Variants in PTPRE observed in about 807,000 individuals in gnomAD.
PTPRE encodes protein tyrosine phosphatase receptor type E.
In PTPRE, 51 loss-of-function variants were observed where a neutral mutation model predicts 102.0. The ratio of observed to expected loss-of-function variants is 0.50; its 90% confidence interval spans 0.40 to 0.63. The LOEUF (loss-of-function observed/expected upper bound fraction) is 0.63. Ranked by LOEUF, PTPRE falls within the 30% of genes least tolerant of loss-of-function variation. PTPRE has a pLI of 0.00. For missense variants in PTPRE, 752 were observed against 915.1 expected (o/e 0.82, Z 2.30); for synonymous variants, 345 against 348.2 (o/e 0.99, Z 0.10).
intron 11 of PTPRE, among the ~76,000 whole-genome samples, chr10:128,067,276 A>G (rs1449494136): frequency 2.0e-5 from 3 of 151,766 alleles, no homozygotes; most frequent in African/African-American, 7.3e-5. Flanking sequence ...ATGTGCACAC[A>G]CACGCACCCA....
At position 127,972,736 on chromosome 10, in the gene PTPRE, G is replaced by A. The variant is rs565857437; in HGVS notation, c.-30-9538G>A. ...TCACCCAGTGGGCAGGGATCTGGCT[G>A]GAGAGCACACGCTGCTGCTTCTCCC... On this transcript the variant is annotated intron_variant, in intron 1 of 20. Coordinates refer to ENST00000254667, the MANE Select transcript of PTPRE (RefSeq NM_006504.6). Among the ~76,000 whole-genome samples the A allele has an allele frequency of 7.2e-5, 11 of 152,346 alleles. No individual in the cohort carries two copies. In the East Asian group the frequency reaches 2.1e-3, roughly 29 times the overall value.
Position 128,076,695 on chromosome 10 carries a change from C to G in PTPRE, c.1692C>G (p.Ile564Met), listed in dbSNP as rs1851233403. Residue 564 changes from isoleucine to methionine, a missense_variant, in exon 18 of 21, where the codon ATC becomes ATG. Physicochemically the swap from Ile to Met is conservative, Grantham distance 10. This residue lies in a region of PTPRE where 636 missense variants were observed against 824.4 expected (regional missense o/e 0.77). Transcript: ENST00000254667. ...AGAATGATACCCTTTCAGAAGCCATCAGTATACGAGACTTTCTGGTCACTC... is the reference window on the plus strand; with the variant it reads ...AGAATGATACCCTTTCAGAAGCCATGAGTATACGAGACTTTCTGGTCACTC... ...EIKNDTLSEA[I>M]SIRDFLVTLN... 3 of 1,611,010 alleles carry G rather than the reference C, an allele frequency of 1.9e-6. No individual in the cohort carries two copies. The highest frequency in any genetic ancestry group is 2.5e-6 in the Non-Finnish European group (3 of 1,179,342).
At chr10:128,074,329 G>A (rs956419033) in intron 17 of PTPRE, among the ~76,000 whole-genome samples, 1 of 152,204 alleles carries the variant, frequency 6.6e-6, no homozygotes, top group Non-Finnish European at 1.5e-5. Context: ...CCATTCATCA[G>A]TTGATGGACA....
intron 1 of PTPRE, among the ~76,000 whole-genome samples, chr10:127,947,558 C>A (rs1394371980): frequency 6.6e-6 from 1 of 152,188 alleles, no homozygotes; most frequent in African/African-American, 2.4e-5. Flanking sequence ...TGTCTTTGGA[C>A]AAATTTTCAC....
chr10:127,937,323 A>T (rs1040975016), intron 1 of PTPRE, among the ~76,000 whole-genome samples: 1 of 152,160 alleles, frequency 6.6e-6, no homozygotes, highest in Non-Finnish European at 1.5e-5. Flanking sequence ...CCATCCACTC[A>T]TACTGGAATT....
intron 3 of PTPRE, among the ~76,000 whole-genome samples, chr10:128,041,236 A>G (rs551485423): frequency 6.6e-6 from 1 of 152,334 alleles, no homozygotes; most frequent in South Asian, 2.1e-4. Flanking sequence ...AGTCAGGGTC[A>G]GCCTTGGCTG....
intron 1 of PTPRE, among the ~76,000 whole-genome samples, chr10:127,953,197 C>A (rs1849161837): frequency 6.6e-6 from 1 of 152,230 alleles, no homozygotes; most frequent in Non-Finnish European, 1.5e-5. Flanking sequence ...GGCTGCTGGG[C>A]AAGCTGCTCT....
intron 1 of PTPRE, among the ~76,000 whole-genome samples, chr10:127,957,447 A>C (rs929764616): frequency 3.3e-5 from 5 of 152,150 alleles, no homozygotes; most frequent in African/African-American, 4.8e-5. Context: ...TGTTACATAG[A>C]TAATCATGTA....
chr10:127,914,223 C>A (rs1210696899), intron 1 of PTPRE, among the ~76,000 whole-genome samples: 1 of 152,196 alleles, frequency 6.6e-6, no homozygotes, highest in Non-Finnish European at 1.5e-5. Context: ...CTGAGCCTCA[C>A]CTGAAGCAGG....
intron 5 of PTPRE, among the ~76,000 whole-genome samples, chr10:128,048,069 C>T (rs547511653): frequency 6.6e-6 from 1 of 152,060 alleles, no homozygotes; most frequent in Non-Finnish European, 1.5e-5. Context: ...TTGTTTGTGG[C>T]TTTTTTTAGA....
intron 3 of PTPRE, among the ~76,000 whole-genome samples, chr10:128,041,431 C>T (rs931531727): frequency 4.6e-5 from 7 of 152,030 alleles, no homozygotes; most frequent in Admixed American, 3.3e-4. Flanking sequence ...GGGCAGATCA[C>T]GAGGTCAAGA....
intron 1 of PTPRE, among the ~76,000 whole-genome samples, chr10:127,931,009 T>C (rs1051618220): frequency 1.6e-4 from 24 of 152,206 alleles, no homozygotes; most frequent in Middle Eastern, 6.8e-3. Context: ...GTCAGGATGG[T>C]CTCAATCTCC....
chr10:127,959,043 T>C (rs1452272362), intron 1 of PTPRE, among the ~76,000 whole-genome samples: 1 of 152,132 alleles, frequency 6.6e-6, no homozygotes, highest in African/African-American at 2.4e-5. Context: ...ATTACAGGCA[T>C]GCGCCACCAC....
intron 3 of PTPRE, among the ~76,000 whole-genome samples, chr10:128,043,593 C>T (rs1590116141): frequency 6.6e-6 from 1 of 152,314 alleles, no homozygotes; most frequent in South Asian, 2.1e-4. Flanking sequence ...CTTGGGGCTG[C>T]CATCTTGGCA....
intron 1 of PTPRE, among the ~76,000 whole-genome samples, chr10:127,948,016 A>AGGATGCCCCATGCC (rs1238913988): frequency 6.6e-6 from 1 of 152,178 alleles, no homozygotes; most frequent in African/African-American, 2.4e-5. Context: ...CACACCGTGA[A>AGGATGCCCCATGCC]GGATGCCCCA....
Position 128,073,459 on chromosome 10 carries a change from G to A in PTPRE, c.1587G>A (p.Gln529=). Reference sequence around the variant, plus strand: ...CTATCGTGATGCTGACGGAGGTGCAGGAGAGAGAGCAGGTGAGGAGTGCCG... The same window carrying A: ...CTATCGTGATGCTGACGGAGGTGCAAGAGAGAGAGCAGGTGAGGAGTGCCG... ...SHTIVMLTEV[Q]EREQDKCYQY... Residue 529 remains glutamine, a synonymous_variant, in exon 17 of 21, where the codon CAG becomes CAA. Transcript: ENST00000254667. 1 of 1,613,944 alleles carries A rather than the reference G, an allele frequency of 6.2e-7. No homozygotes were observed. The highest frequency in any genetic ancestry group is 8.5e-7 in the Non-Finnish European group (1 of 1,179,936).
intron 2 of PTPRE, among the ~76,000 whole-genome samples, chr10:128,017,593 G>A (rs984258634): frequency 1.3e-5 from 2 of 151,842 alleles, no homozygotes; most frequent in Admixed American, 6.6e-5. Flanking sequence ...GTAATTGGAT[G>A]ACCTACTCTG....
In PTPRE at chr10:128,066,185, C is replaced by T. The variant is rs1850072167; in HGVS notation, c.834C>T (p.Cys278=). ...TCGACTACACCATCCGGAAGTTCTG[C>T]ATACAGCCAGTAAGCATCTCTAGTT... is the stretch of plus-strand genomic sequence containing the variant. ...VLVDYTIRKF[C]IQPQLPDGCK... Residue 278 remains cysteine (C), a synonymous_variant, in exon 11 of 21, where the codon TGC becomes TGT. Transcript: ENST00000254667. 1 of 1,613,982 alleles carries T rather than the reference C, an allele frequency of 6.2e-7. No homozygotes were observed. The highest frequency in any genetic ancestry group is 8.5e-7 in the Non-Finnish European group (1 of 1,179,828).
chr10:127,937,039 C>T (rs986848187), intron 1 of PTPRE, among the ~76,000 whole-genome samples: 1 of 152,128 alleles, frequency 6.6e-6, no homozygotes, highest in African/African-American at 2.4e-5. Flanking sequence ...CCTTCTCGCT[C>T]CATAGGCAGT....
Sources: allele counts gnomAD v4.1 joint callset (sites outside exome capture counted in the v4.1 genomes callset), GRCh38; gene constraint gnomAD v4.1.1; regional missense constraint gnomAD v4.1.1; transcripts MANE v1.5; gene names NCBI Gene and HGNC (gene_info 2026-07-23, HGNC 2026-07-21).